The following TESC variants were observed in gnomAD, a reference collection of about 807,000 sequenced individuals.
TESC encodes the protein calcineurin B homologous protein 3.
A neutral mutation model predicts 31.0 loss-of-function variants in TESC; 19 were observed. That is an observed-to-expected ratio of 0.61 (90% confidence interval 0.43 to 0.90). TESC has a LOEUF of 0.90. TESC is among the 40% of genes least tolerant of loss of function. The probability of loss-of-function intolerance (pLI) is 0.00; values close to 1 mark genes in which losing one functional copy is unlikely to be tolerated. For missense variants in TESC, 248 were observed against 303.8 expected, an observed-to-expected ratio of 0.82 and a Z score of 1.36; for synonymous variants, 109 against 114.8, an observed-to-expected ratio of 0.95 and a Z score of 0.32.
intron 1 of TESC, among the ~76,000 whole-genome samples, chr12:117,091,593 A>G (rs943667895): frequency 6.6e-6 from 1 of 152,204 alleles, no homozygotes; most frequent in Non-Finnish European, 1.5e-5. Flanking sequence ...TGGCTTGCAC[A>G]GAGAAAACAC....
At chr12:117,097,832 T>C (rs1234053181) in intron 1 of TESC, among the ~76,000 whole-genome samples, 1 of 152,120 alleles carries the variant, frequency 6.6e-6, no homozygotes, top group African/African-American at 2.4e-5. Context: ...TATACTCTTA[T>C]TTTCCCCTCT....
At chr12:117,095,794 C>T (rs912672439) in intron 1 of TESC, among the ~76,000 whole-genome samples, 8 of 152,200 alleles carry the variant, frequency 5.3e-5, no homozygotes, top group Admixed American at 4.6e-4. Context: ...GTGGGAGGAT[C>T]GCTGGAGCCC....
At chr12:117,091,052 C>T (rs1034609549) in intron 1 of TESC, among the ~76,000 whole-genome samples, 2 of 152,216 alleles carry the variant, frequency 1.3e-5, no homozygotes, top group Non-Finnish European at 2.9e-5. Flanking sequence ...TGACAGAGTG[C>T]CGGTCTGCAA....
intron 3 of TESC, among the ~76,000 whole-genome samples, chr12:117,055,228 A>ACCT (rs1954703581): frequency 6.6e-6 from 1 of 151,720 alleles, no homozygotes; most frequent in Non-Finnish European, 1.5e-5. Context: ...TGCAACCTCC[A>ACCT]CCTCCCGAGT....
At chr12:117,049,706 G>T (rs548439432) in intron 3 of TESC, among the ~76,000 whole-genome samples, 1 of 152,160 alleles carries the variant, frequency 6.6e-6, no homozygotes, top group African/African-American at 2.4e-5. Flanking sequence ...TTCGAGACCA[G>T]CCTGGCCAAC....
At chr12:117,073,618 G>C (rs890420443) in intron 2 of TESC, among the ~76,000 whole-genome samples, 13 of 152,188 alleles carry the variant, frequency 8.5e-5, no homozygotes, top group African/African-American at 2.9e-4. Context: ...AGTTTCCCTG[G>C]AGTATTAGAA....
At chr12:117,073,387 G>T (rs1028385789) in intron 2 of TESC, among the ~76,000 whole-genome samples, 1 of 152,178 alleles carries the variant, frequency 6.6e-6, no homozygotes, top group African/African-American at 2.4e-5. Context: ...AGAATTAAAG[G>T]TATAAATCTT....
intron 4 of TESC, 50 bp downstream of exon 4, chr12:117,048,969 G>A (rs1296805427): frequency 1.2e-6 from 2 of 1,612,948 alleles, no homozygotes; most frequent in Non-Finnish European, 1.7e-6. Context: ...GGTCTTAGGG[G>A]AGGCTGCACC....
At chr12:117,042,055 G>C in intron 6 of TESC, 61 bp from the exon 7 acceptor site, 1 of 1,537,306 alleles carries the variant, frequency 6.5e-7, no homozygotes, top group South Asian at 1.2e-5. Context: ...GCTTCCGCAG[G>C]GGGACGGTCC....
intron 1 of TESC, among the ~76,000 whole-genome samples, chr12:117,094,559 C>A (rs771109040): frequency 2.0e-5 from 3 of 152,140 alleles, no homozygotes; most frequent in Non-Finnish European, 1.5e-5. Context: ...TGGCAGGTGA[C>A]AGAGTTGACA....
chr12:117,093,540 T>C (rs1380500215), intron 1 of TESC, among the ~76,000 whole-genome samples: 5 of 152,244 alleles, frequency 3.3e-5, no homozygotes, highest in African/African-American at 1.2e-4. Context: ...ATTACAAGCA[T>C]GAGCCACCGC....
At chr12:117,043,150 T>C (rs1592989616) in intron 6 of TESC, among the ~76,000 whole-genome samples, 1 of 151,586 alleles carries the variant, frequency 6.6e-6, no homozygotes, top group African/African-American at 2.4e-5. Flanking sequence ...ATCTGCCCTG[T>C]GGGTGTGTGG....
In TESC at chr12:117,049,077, G is replaced by A. The variant is rs143884130; in HGVS notation, c.291C>T (p.Pro97=). Residue 97 remains proline (P), a synonymous_variant, in exon 4 of 8, where the codon CCC becomes CCT. Coordinates refer to ENST00000335209, the MANE Select transcript of TESC (RefSeq NM_017899.4). The stretch of plus-strand genomic sequence containing the variant: ...GTTCCTCGTCCATGGTGGTGTCGAT[G>A]GGCCGGAAGTAGGACATGATGGTCA... ...DFLTIMSYFR[P]IDTTMDEEQV... is the part of the protein sequence containing the mutation. The A allele has an allele frequency of 4.2e-5, 67 of 1,614,126 alleles. No homozygotes were observed. In the African/African-American group the frequency reaches 8.5e-4, roughly 21 times the overall value.
At chr12:117,076,257 T>C (rs1955073185) in intron 1 of TESC, among the ~76,000 whole-genome samples, 1 of 151,738 alleles carries the variant, frequency 6.6e-6, no homozygotes, top group Non-Finnish European at 1.5e-5. Context: ...TTCAGGCTGG[T>C]GTTGGACATG....
chr12:117,046,961 G>T, intron 4 of TESC, 123 bp from the exon 5 acceptor site: 2 of 1,063,362 alleles, frequency 1.9e-6, no homozygotes, highest in Non-Finnish European at 2.8e-6. Flanking sequence ...AAGCCAGAGG[G>T]GTCAGGGCAT....
At chr12:117,092,189 G>A (rs972728933) in intron 1 of TESC, among the ~76,000 whole-genome samples, 1 of 152,164 alleles carries the variant, frequency 6.6e-6, no homozygotes, top group East Asian at 1.9e-4. Context: ...AGCTGGCTGC[G>A]TTTTTTAAGG....
At chr12:117,076,735 C>T (rs66832675) in intron 1 of TESC, among the ~76,000 whole-genome samples, 18,514 of 152,184 alleles carry the variant, frequency 0.12, 1,209 homozygotes, top group African/African-American at 0.13. Context: ...TGAACCATCA[C>T]GCCCGGCCGT....
At chr12:117,043,238 T>C (rs889806650) in intron 6 of TESC, among the ~76,000 whole-genome samples, 1 of 152,050 alleles carries the variant, frequency 6.6e-6, no homozygotes, top group African/African-American at 2.4e-5. Flanking sequence ...CATGCATGTA[T>C]ACATTGGTAT....
intron 2 of TESC, among the ~76,000 whole-genome samples, chr12:117,059,515 GA>G (rs1000920069): frequency 2.6e-5 from 4 of 150,960 alleles, no homozygotes; most frequent in African/African-American, 7.3e-5. Context: ...TTTGGCCATG[GA>G]AAAAAAAATA....
Sources: gnomAD v4.1 joint callset for allele counts (sites outside exome capture counted in the v4.1 genomes callset) on GRCh38, gnomAD v4.1.1 for gene constraint, MANE v1.5 for transcripts, NCBI Gene and HGNC (gene_info 2026-07-23, HGNC 2026-07-21) for gene names.